The following YEATS2 variants were observed in gnomAD, a reference collection of about 807,000 sequenced individuals.
YEATS2 encodes YEATS domain-containing protein 2.
In YEATS2, 77 loss-of-function variants were observed where a neutral mutation model predicts 163.2. The observed-to-expected ratio is 0.47, with a 90% confidence interval of 0.39 to 0.57. The LOEUF (loss-of-function observed/expected upper bound fraction) is 0.57, where lower values mean the gene tolerates loss of function less well. YEATS2 is among the 20% of genes least tolerant of loss of function. The pLI is 0.00. For synonymous variants in YEATS2, 631 were observed against 645.1 expected, an observed-to-expected ratio of 0.98 and a Z score of 0.33; for missense variants, 1,549 against 1,729.8, an observed-to-expected ratio of 0.90 and a Z score of 1.85.
At chr3:183,807,170 C>A in intron 28 of YEATS2, 78 bp downstream of exon 28, 1 of 1,304,970 alleles carries the variant, frequency 7.7e-7, no homozygotes, top group Non-Finnish European at 1.1e-6. Context: ...TTCACAGACC[C>A]AGACCCAGGT....
chr3:183,725,725 T>C (rs1180779946), intron 6 of YEATS2, among the ~76,000 whole-genome samples: 2 of 152,224 alleles, frequency 1.3e-5, no homozygotes, highest in African/African-American at 2.4e-5. Context: ...CAAGCTACAA[T>C]TGAAGATGAG....
intron 13 of YEATS2, among the ~76,000 whole-genome samples, chr3:183,760,398 T>C (rs1284481174): frequency 1.4e-5 from 2 of 143,022 alleles, no homozygotes; most frequent in Non-Finnish European, 1.5e-5. Flanking sequence ...CTTGGCTCAC[T>C]GCAACCTCCT....
At chr3:183,765,897 A>T (rs1275207837) in intron 15 of YEATS2, among the ~76,000 whole-genome samples, 1 of 151,678 alleles carries the variant, frequency 6.6e-6, no homozygotes, top group African/African-American at 2.4e-5. Flanking sequence ...CAGTGAACTG[A>T]GATGACGCCA....
At chr3:183,726,949 G>C (rs1338049375) in intron 6 of YEATS2, among the ~76,000 whole-genome samples, 5 of 152,106 alleles carry the variant, frequency 3.3e-5, no homozygotes, top group African/African-American at 9.7e-5. Flanking sequence ...TTACAGACAT[G>C]CACCGCCACA....
At position 183,750,395 on chromosome 3, in the gene YEATS2, G is replaced by T. The variant is rs184838604; in HGVS notation, c.970-1678G>T. Among the ~76,000 whole-genome samples, 125 of 152,300 alleles carry T rather than the reference G, an allele frequency of 8.2e-4. 1 individual carries two copies. Among genetic ancestry groups the T allele is most frequent in the Admixed American group, 1.8e-3 (27 of 15,306 alleles). On this transcript the variant is annotated intron_variant, in intron 9 of 30. Coordinates refer to ENST00000305135, the MANE Select transcript of YEATS2 (RefSeq NM_018023.5). ...TAATAGTGCTGCTATGAACGTAGGTGTACAGGTATCTATTCAAATCCTTGC... is the reference window on the plus strand; with the variant it reads ...TAATAGTGCTGCTATGAACGTAGGTTTACAGGTATCTATTCAAATCCTTGC...
chr3:183,710,394 A>AG (rs1375120115), intron 1 of YEATS2, among the ~76,000 whole-genome samples: 1 of 152,234 alleles, frequency 6.6e-6, no homozygotes, highest in East Asian at 1.9e-4. Context: ...GCTAGCTAGC[A>AG]GTTACTTGCA....
chr3:183,768,092 C>T (rs925821005), intron 15 of YEATS2, among the ~76,000 whole-genome samples: 4 of 152,184 alleles, frequency 2.6e-5, no homozygotes, highest in African/African-American at 9.7e-5. Flanking sequence ...GAGAAAAGTT[C>T]AACTACTGCA....
rs1393564324 is a variant in YEATS2, at chr3:183,767,419, C to T, written c.1948-4886C>T. 3.3e-5 allele frequency among the ~76,000 whole-genome samples: 5 copies of T among 150,198 alleles called. No individual in the cohort carries two copies. The East Asian group carries it at 6.0e-4, about 18-fold the overall frequency. The stretch of plus-strand genomic sequence containing the variant: ...TTTTTGAGCTGGAGTCTTGCACTGT[C>T]GCCCAGGCTGGAGAGCAGTGGCGCC... On this transcript the variant is annotated intron_variant, in intron 15 of 30. Transcript: ENST00000305135.
intron 4 of YEATS2, among the ~76,000 whole-genome samples, chr3:183,720,090 G>A (rs778358546): frequency 1.3e-5 from 2 of 152,048 alleles, no homozygotes; most frequent in African/African-American, 2.4e-5. Context: ...AGAATACTTC[G>A]TAGTGATGCT....
In YEATS2 at chr3:183,808,075, G is replaced by T; in HGVS notation, c.4057G>T (p.Ala1353Ser). 1 of 1,559,448 alleles carries T rather than the reference G, an allele frequency of 6.4e-7. No individual in the cohort carries two copies. Among genetic ancestry groups the T allele is most frequent in the Non-Finnish European group, 8.7e-7 (1 of 1,151,066 alleles). Residue 1353 changes from alanine to serine, a missense_variant, in exon 29 of 31, where the codon GCG becomes TCG. By Grantham distance (99) the Ala-to-Ser change is moderately conservative. Coordinates refer to ENST00000305135, the MANE Select transcript of YEATS2 (RefSeq NM_018023.5). The stretch of plus-strand genomic sequence containing the variant: ...CGTGGCACTCCACAGGAACGTGTAT[G>T]CGTCCGTGGTGGAGGACATGATCCT... ...QPVALHRNVYASVVEDMILKA... is the reference protein window; with the variant it reads ...QPVALHRNVYSSVVEDMILKA...
intron 7 of YEATS2, among the ~76,000 whole-genome samples, chr3:183,732,329 T>G (rs1045727449): frequency 6.6e-6 from 1 of 151,556 alleles, no homozygotes; most frequent in Non-Finnish European, 1.5e-5. Flanking sequence ...GGCGTGTGCC[T>G]GTAGTCCCAG....
At chr3:183,788,566 T>C (rs928004599) in intron 20 of YEATS2, among the ~76,000 whole-genome samples, 1 of 152,252 alleles carries the variant, frequency 6.6e-6, no homozygotes, top group African/African-American at 2.4e-5. Context: ...ACACTTAGGT[T>C]GATTCCAAAT....
intron 30 of YEATS2, chr3:183,809,994 A>T (rs1726631352): frequency 6.3e-6 from 1 of 158,544 alleles, no homozygotes; most frequent in African/African-American, 2.4e-5. Flanking sequence ...CAAGTGAGCC[A>T]GGGCCTCCTG....
Position 183,728,711 on chromosome 3 carries a change from G to A in YEATS2, c.672G>A (p.Arg224=), listed in dbSNP as rs909994225. 6.2e-7 allele frequency: 1 copy of A among 1,611,036 alleles called. No homozygotes were observed. Among genetic ancestry groups the A allele is most frequent in the African/African-American group, 1.3e-5 (1 of 74,872 alleles). ...CTAGGTATATACCTCCGGATAAGAG[G>A]GAAGAAAATGACCAGTCAACTCATA... ...NVSKYIPPDK[R]EENDQSTHKW... The change falls in exon 7 of 31, where the codon AGG becomes AGA. Residue 224 remains arginine, a synonymous_variant. Coordinates refer to ENST00000305135, the MANE Select transcript of YEATS2 (RefSeq NM_018023.5).
intron 1 of YEATS2, among the ~76,000 whole-genome samples, chr3:183,709,234 A>G (rs1270303905): frequency 6.6e-6 from 1 of 152,160 alleles, no homozygotes; most frequent in Non-Finnish European, 1.5e-5. Flanking sequence ...TGTTATTTGA[A>G]TGGATATGGT....
chr3:183,800,359 T>C (rs1372923994), intron 23 of YEATS2, 107 bp from the exon 24 acceptor site: 1 of 722,440 alleles, frequency 1.4e-6, no homozygotes, highest in African/African-American at 1.8e-5. Context: ...ACAGCTGGAG[T>C]GGCAGTTTCC....
intron 7 of YEATS2, among the ~76,000 whole-genome samples, chr3:183,734,530 G>C (rs1718136955): frequency 6.6e-6 from 1 of 152,238 alleles, no homozygotes. Flanking sequence ...GTGAGGAACA[G>C]AGATGTTCAT....
chr3:183,724,631 C>T, intron 6 of YEATS2, 100 bp downstream of exon 6: 1 of 805,174 alleles, frequency 1.2e-6, no homozygotes, highest in Non-Finnish European at 1.9e-6. Context: ...CTCAGGGATT[C>T]TTTTTCCCAA....
intron 2 of YEATS2, among the ~76,000 whole-genome samples, chr3:183,715,587 A>G (rs1715767261): frequency 6.6e-6 from 1 of 152,240 alleles, no homozygotes; most frequent in African/African-American, 2.4e-5. Context: ...TAGATGGTAC[A>G]TGGATTAAGG....
Sources: allele counts gnomAD v4.1 joint callset (sites outside exome capture counted in the v4.1 genomes callset), GRCh38; gene constraint gnomAD v4.1.1; transcripts MANE v1.5; gene names NCBI Gene and HGNC (gene_info 2026-07-23, HGNC 2026-07-21).